Variants in FBXL7 observed in about 807,000 individuals in gnomAD.
FBXL7 encodes the protein F-box and leucine rich repeat protein 7.
In FBXL7, 12 loss-of-function variants were observed where a neutral mutation model predicts 38.3. The observed-to-expected ratio is 0.31, with a 90% CI of 0.20 to 0.51. FBXL7 has a LOEUF of 0.51. Among genes scored for constraint, FBXL7 ranks in the 20% least tolerant of loss-of-function variants. FBXL7 has a pLI of 0.98. For missense variants in FBXL7, 567 were observed against 676.4 expected (o/e 0.84, Z 1.79); for synonymous variants, 297 against 300.9 (o/e 0.99, Z 0.13).
chr5:15,725,975 C>A (rs1744338701), intron 2 of FBXL7, among the ~76,000 whole-genome samples: 1 of 152,136 alleles, frequency 6.6e-6, no homozygotes. Context: ...TTCAAGTCTG[C>A]AACTATTATT....
At chr5:15,826,252 T>C (rs1179838754) in intron 2 of FBXL7, among the ~76,000 whole-genome samples, 1 of 152,194 alleles carries the variant, frequency 6.6e-6, no homozygotes, top group African/African-American at 2.4e-5. Flanking sequence ...GAGTTCACAT[T>C]TGAAAACATT....
intron 2 of FBXL7, among the ~76,000 whole-genome samples, chr5:15,906,492 G>A (rs1741368449): frequency 7.7e-6 from 1 of 129,910 alleles, no homozygotes; most frequent in South Asian, 2.5e-4. Flanking sequence ...TTATTTTTTA[G>A]TTGTTCAGGA....
intron 2 of FBXL7, among the ~76,000 whole-genome samples, chr5:15,618,590 CAT>C (rs1740526918): frequency 6.6e-6 from 1 of 152,134 alleles, no homozygotes; most frequent in South Asian, 2.1e-4. Flanking sequence ...GCACAGGAGA[CAT>C]AGTCTCAGGA....
intron 2 of FBXL7, among the ~76,000 whole-genome samples, chr5:15,741,204 T>A (rs1277720375): frequency 6.6e-6 from 1 of 152,236 alleles, no homozygotes; most frequent in Non-Finnish European, 1.5e-5. Context: ...TCTTGTGTAT[T>A]TTATGACATT....
chr5:15,648,793 T>C (rs1283931568), intron 2 of FBXL7, among the ~76,000 whole-genome samples: 1 of 152,216 alleles, frequency 6.6e-6, no homozygotes, highest in Non-Finnish European at 1.5e-5. Flanking sequence ...TGAAATGATC[T>C]TCCTGAGAAA....
chr5:15,852,525 C>T (rs1399906604), intron 2 of FBXL7, among the ~76,000 whole-genome samples: 2 of 152,142 alleles, frequency 1.3e-5, no homozygotes. Flanking sequence ...ATGAATTTAT[C>T]AGGCATCCGG....
intron 2 of FBXL7, among the ~76,000 whole-genome samples, chr5:15,736,537 G>T (rs555700703): frequency 1.3e-5 from 2 of 152,066 alleles, no homozygotes; most frequent in Non-Finnish European, 2.9e-5. Context: ...TGATAAATAC[G>T]TAAAATAGCA....
At chr5:15,667,849 A>G (rs964079606) in intron 2 of FBXL7, among the ~76,000 whole-genome samples, 11 of 151,816 alleles carry the variant, frequency 7.2e-5, no homozygotes, top group East Asian at 1.9e-4. Flanking sequence ...GCCTTCATTT[A>G]TTTTTGCTGG....
intron 2 of FBXL7, among the ~76,000 whole-genome samples, chr5:15,871,752 G>A (rs1739974440): frequency 6.6e-6 from 1 of 152,036 alleles, no homozygotes; most frequent in Non-Finnish European, 1.5e-5. Flanking sequence ...AAAAAAGAAT[G>A]AAAAGGAAGG....
At position 15,501,625 on chromosome 5, in the gene FBXL7, C is replaced by A. The variant is rs533679939; in HGVS notation, c.37+912C>A. The A allele has an allele frequency of 3.1e-5, 31 of 985,502 alleles. No homozygotes were observed. The South Asian group carries it at 1.4e-3, about 43-fold the overall frequency. 61.0% of individuals were successfully genotyped at this position (985,502 alleles called of 1,614,324 possible). A position where few individuals can be genotyped will look rare whatever the true frequency, so the allele number is the denominator to read the frequency against. On this transcript the variant is annotated intron_variant, in intron 1 of 3. Coordinates refer to ENST00000504595, the MANE Select transcript of FBXL7 (RefSeq NM_012304.5). Reference sequence around the variant, plus strand: ...CAGTTGGTTACAAAGGAGGGGCCAGCGCTTGCAGACTGGTAGGAATGCAGG... The same window carrying A: ...CAGTTGGTTACAAAGGAGGGGCCAGAGCTTGCAGACTGGTAGGAATGCAGG...
chr5:15,729,943 C>T (rs1484854144), intron 2 of FBXL7, among the ~76,000 whole-genome samples: 5 of 152,128 alleles, frequency 3.3e-5, no homozygotes, highest in African/African-American at 1.2e-4. Flanking sequence ...CCAGATTTCA[C>T]GTTCTTTACT....
At chr5:15,885,437 AC>A (rs751288877) in intron 2 of FBXL7, among the ~76,000 whole-genome samples, 9 of 152,076 alleles carry the variant, frequency 5.9e-5, no homozygotes, top group Non-Finnish European at 1.3e-4. Context: ...CAATCCACAC[AC>A]TCCAGGGGAT....
At chr5:15,693,599 C>T (rs1743245882) in intron 2 of FBXL7, among the ~76,000 whole-genome samples, 2 of 152,118 alleles carry the variant, frequency 1.3e-5, no homozygotes, top group African/African-American at 4.8e-5. Context: ...TTTTCCAAGA[C>T]CACTCTGGCC....
At position 15,555,784 on chromosome 5, in the gene FBXL7, G is replaced by GAGATAGATAAATAGATAGAT. The variant is rs369000608; in HGVS notation, c.37+55080_37+55081insAATAGATAGATAGATAGATA. Among the ~76,000 whole-genome samples the GAGATAGATAAATAGATAGAT allele has an allele frequency of 9.3e-3, 1,307 of 139,788 alleles. 19 individuals carry two copies. The highest frequency in any genetic ancestry group is 0.032 in the African/African-American group (1,220 of 37,578). 91.7% of individuals were successfully genotyped at this position (139,788 alleles called of 152,430 possible). Reference sequence around the variant, plus strand: ...GATTGGTTAGTGGAGAAGGGTAGATGAGATAGATAGATAGATAGATAGATA... The same window carrying GAGATAGATAAATAGATAGAT: ...GATTGGTTAGTGGAGAAGGGTAGATGAGATAGATAAATAGATAGATAGATAGATAGATAGATAGATAGATA... On this transcript the variant is annotated intron_variant, in intron 1 of 3. Transcript: ENST00000504595.
rs150550534 is a variant in FBXL7, at chr5:15,937,253, C to A, written c.*67C>A. The A allele has an allele frequency of 4.0e-5, 58 of 1,449,004 alleles. No individual in the cohort carries two copies. In the Middle Eastern group the frequency reaches 1.3e-3, roughly 31 times the overall value. 89.8% of individuals were successfully genotyped at this position (1,449,004 alleles called of 1,614,324 possible). A position where few individuals can be genotyped will look rare whatever the true frequency, so the allele number is the denominator to read the frequency against. On this transcript the variant is annotated 3_prime_UTR_variant, in exon 4 of 4. Transcript: ENST00000504595. ...ACAAAGCAAATTTTTTTAAAAGCAG[C>A]GTATGTAAGCACCGACACCCACTCA...
intron 1 of FBXL7, chr5:15,602,322 CTCTTGTT>C (rs1448628391): frequency 6.6e-6 from 1 of 152,000 alleles, no homozygotes; most frequent in African/African-American, 2.4e-5. Context: ...TGTAAAAACT[CTCTTGTT>C]TCTTGGTGGG....
intron 1 of FBXL7, among the ~76,000 whole-genome samples, chr5:15,517,093 C>T (rs1214906398): frequency 2.6e-5 from 4 of 151,754 alleles, no homozygotes; most frequent in African/African-American, 9.7e-5. Context: ...GTGGCGGGAT[C>T]TCGGCTCACT....
intron 2 of FBXL7, among the ~76,000 whole-genome samples, chr5:15,890,351 C>G (rs1004462643): frequency 2.0e-5 from 3 of 152,094 alleles, no homozygotes; most frequent in Non-Finnish European, 2.9e-5. Flanking sequence ...CGGGTTCAAG[C>G]GATTCTCCTG....
At position 15,928,199 on chromosome 5, in the gene FBXL7, A is replaced by T. The variant is rs201995635; in HGVS notation, c.437A>T (p.Asn146Ile). The change falls in exon 3 of 4, where the codon AAC becomes ATC. Residue 146 changes from asparagine to isoleucine, a missense_variant. Physicochemically the swap from Asn to Ile is moderately radical, Grantham distance 149 (BLOSUM62 -3). Transcript: ENST00000504595. The surrounding 1 kb of genome is among the most constrained non-coding windows in gnomAD (Gnocchi z 4.0). ...RCARVCRRWY[N>I]LAWDPRLWRT... ...GCGCGAGTGTGCCGCCGCTGGTACAACCTGGCCTGGGACCCGCGGCTCTGG... is the reference window on the plus strand; with the variant it reads ...GCGCGAGTGTGCCGCCGCTGGTACATCCTGGCCTGGGACCCGCGGCTCTGG... 5 of 1,610,076 alleles carry T rather than the reference A, an allele frequency of 3.1e-6. No homozygotes were observed. Among genetic ancestry groups the T allele is most frequent in the Non-Finnish European group, 4.2e-6 (5 of 1,178,518 alleles).
Sources: allele counts gnomAD v4.1 joint callset (sites outside exome capture counted in the v4.1 genomes callset), GRCh38; gene constraint gnomAD v4.1.1; non-coding constraint Gnocchi (gnomAD v3.1); transcripts MANE v1.5; gene names NCBI Gene and HGNC (gene_info 2026-07-23, HGNC 2026-07-21).